The following DPP10 variants were observed in gnomAD, a reference collection of about 807,000 sequenced individuals.
The protein encoded by DPP10 is inactive dipeptidyl peptidase 10.
DPP10 carries 33 observed loss-of-function variants against 120.9 expected under a neutral mutation model. The ratio of observed to expected loss-of-function variants is 0.27; its 90% CI spans 0.21 to 0.37. The LOEUF (loss-of-function observed/expected upper bound fraction) is 0.37. DPP10 is among the 10% of genes least tolerant of loss of function. The pLI is 1.00. For missense variants in DPP10, 816 were observed against 942.8 expected, an observed-to-expected ratio of 0.87 and a Z score of 1.76; for synonymous variants, 337 against 326.1, an observed-to-expected ratio of 1.03 and a Z score of -0.36.
intron 1 of DPP10, among the ~76,000 whole-genome samples, chr2:114,790,483 C>T (rs570708169): frequency 6.6e-6 from 1 of 152,122 alleles, no homozygotes; most frequent in African/African-American, 2.4e-5. Context: ...CATGCGCGTC[C>T]GTGTGAAGAG....
chr2:114,710,325 T>C (rs766170684), intron 1 of DPP10, among the ~76,000 whole-genome samples: 3 of 152,168 alleles, frequency 2.0e-5, no homozygotes, highest in African/African-American at 7.2e-5. Flanking sequence ...TATGAAAAAC[T>C]TTGCTAATCC....
At chr2:115,805,318 G>T (rs377720888) in intron 19 of DPP10, among the ~76,000 whole-genome samples, 1 of 152,096 alleles carries the variant, frequency 6.6e-6, no homozygotes, top group Non-Finnish European at 1.5e-5. Context: ...GATTTTCCAG[G>T]TGCCATCTGT....
intron 5 of DPP10, among the ~76,000 whole-genome samples, chr2:115,630,515 C>A (rs1406524519): frequency 6.6e-6 from 1 of 152,038 alleles, no homozygotes; most frequent in African/African-American, 2.4e-5. Flanking sequence ...CAGCTTTTGC[C>A]CTTTCAATAT....
At position 115,067,442 on chromosome 2, in the gene DPP10, C is replaced by T. The variant is rs185080566; in HGVS notation, c.61-241797C>T. The stretch of plus-strand genomic sequence containing the variant: ...AATTTTTTGTATTTTTTGATAGAGA[C>T]GGGGTTTCACCGTGTTAGCCAGGAT... On this transcript the variant is annotated intron_variant, in intron 1 of 25. Transcript: ENST00000410059. 8.0e-3 allele frequency among the ~76,000 whole-genome samples: 1,204 copies of T among 150,840 alleles called. 13 individuals are homozygous for T. The highest frequency in any genetic ancestry group is 0.028 in the African/African-American group (1,143 of 41,220).
chr2:114,876,034 T>C lies in DPP10; in HGVS notation c.60+433196T>C, dbSNP rs563655828. 5.7e-4 allele frequency among the ~76,000 whole-genome samples: 87 copies of C among 152,254 alleles called. 1 individual carries two copies. The highest frequency in any genetic ancestry group is 1.8e-3 in the African/African-American group (75 of 41,570). ...AGTTTTGATAGTATATTCAGTATTC[T>C]TGCAAACTACGGATAAAGTAAATGA... On this transcript the variant is annotated intron_variant, in intron 1 of 25. Coordinates refer to ENST00000410059, the MANE Select transcript of DPP10 (RefSeq NM_020868.6).
intron 5 of DPP10, among the ~76,000 whole-genome samples, chr2:115,614,932 T>C (rs1171015309): frequency 6.6e-6 from 1 of 152,180 alleles, no homozygotes; most frequent in Non-Finnish European, 1.5e-5. Context: ...GCTAAACAAA[T>C]TGCCCTCAAT....
At chr2:115,363,834 T>C (rs2064929560) in intron 3 of DPP10, among the ~76,000 whole-genome samples, 1 of 152,224 alleles carries the variant, frequency 6.6e-6, no homozygotes, top group Non-Finnish European at 1.5e-5. Context: ...CAGTTATTTA[T>C]TGGGAGTTGA....
chr2:115,759,396 T>TAA (rs573763257), intron 11 of DPP10, among the ~76,000 whole-genome samples: 207 of 141,394 alleles, frequency 1.5e-3, no homozygotes, highest in African/African-American at 5.2e-3. Flanking sequence ...CATTTCTATA[T>TAA]AAAAAAAAAA....
intron 3 of DPP10, among the ~76,000 whole-genome samples, chr2:115,436,271 C>A (rs1574840354): frequency 6.6e-6 from 1 of 151,756 alleles, no homozygotes; most frequent in East Asian, 1.9e-4. Context: ...CTGTGTTTGT[C>A]ATCTCATATA....
intron 1 of DPP10, among the ~76,000 whole-genome samples, chr2:114,916,740 G>T (rs1037567995): frequency 2.0e-5 from 3 of 152,148 alleles, no homozygotes; most frequent in Non-Finnish European, 4.4e-5. Context: ...CTCAATAAAT[G>T]CTGAAAAGGC....
At chr2:115,588,434 C>T (rs973220002) in intron 5 of DPP10, among the ~76,000 whole-genome samples, 13 of 152,110 alleles carry the variant, frequency 8.5e-5, no homozygotes, top group East Asian at 1.9e-4. Context: ...GGCTTCATAA[C>T]GGCTTCAATA....
intron 11 of DPP10, among the ~76,000 whole-genome samples, chr2:115,755,221 A>T (rs1679251580): frequency 1.3e-5 from 2 of 152,150 alleles, no homozygotes; most frequent in South Asian, 4.1e-4. Flanking sequence ...AATAAATCTA[A>T]CAACTTAGAA....
intron 1 of DPP10, among the ~76,000 whole-genome samples, chr2:114,776,978 T>C (rs77071687): frequency 0.038 from 5,771 of 152,016 alleles, 303 homozygotes; most frequent in African/African-American, 0.12. Flanking sequence ...TTTTCAAAAA[T>C]AAAAAAGATA....
At chr2:114,982,745 C>T (rs773491802) in intron 1 of DPP10, among the ~76,000 whole-genome samples, 3 of 151,570 alleles carry the variant, frequency 2.0e-5, no homozygotes, top group Non-Finnish European at 2.9e-5. Context: ...GGACTATAGT[C>T]GCATGCCACC....
chr2:114,508,864 T>A (rs1438352154), intron 1 of DPP10, among the ~76,000 whole-genome samples: 1 of 152,092 alleles, frequency 6.6e-6, no homozygotes, highest in Non-Finnish European at 1.5e-5. Flanking sequence ...TTTTCTACCC[T>A]GAGAACGTGA....
At chr2:115,256,320 A>G (rs965216458) in intron 1 of DPP10, among the ~76,000 whole-genome samples, 3 of 152,340 alleles carry the variant, frequency 2.0e-5, no homozygotes, top group East Asian at 1.9e-4. Context: ...CCATGATTCA[A>G]TTACCTCCCT....
At chr2:115,680,882 AAC>A (rs1472668993) in intron 5 of DPP10, among the ~76,000 whole-genome samples, 4 of 151,982 alleles carry the variant, frequency 2.6e-5, no homozygotes, top group Non-Finnish European at 2.9e-5. Context: ...CCCAAGAACA[AAC>A]AGGAAAAAGA....
At chr2:114,959,490 G>A (rs1698455065) in intron 1 of DPP10, among the ~76,000 whole-genome samples, 2 of 152,118 alleles carry the variant, frequency 1.3e-5, no homozygotes, top group Admixed American at 6.5e-5. Flanking sequence ...AACATTTTGA[G>A]TTGTTTCTTC....
chr2:115,641,323 G>A (rs946669384), intron 5 of DPP10, among the ~76,000 whole-genome samples: 1 of 152,104 alleles, frequency 6.6e-6, no homozygotes, highest in Non-Finnish European at 1.5e-5. Flanking sequence ...AAGGCCCCGC[G>A]TGATTTGTCC....
Sources: allele counts gnomAD v4.1 joint callset (sites outside exome capture counted in the v4.1 genomes callset), GRCh38; gene constraint gnomAD v4.1.1; transcripts MANE v1.5; gene names NCBI Gene and HGNC (gene_info 2026-07-23, HGNC 2026-07-21).